Variants in SESTD1 observed in about 807,000 individuals in gnomAD.
SESTD1 encodes the protein SEC14 and spectrin domain containing 1, also known as SEC14 domain and spectrin repeat-containing protein 1.
SESTD1 carries 43 observed loss-of-function variants against 101.7 expected under a neutral mutation model. That is an observed-to-expected ratio of 0.42 (90% CI 0.33 to 0.55). The LOEUF is 0.55. SESTD1 is among the 20% of genes least tolerant of loss of function. The pLI, the probability that SESTD1 is intolerant of heterozygous loss-of-function variation, is 0.07. For missense variants in SESTD1, 647 were observed against 815.1 expected, an observed-to-expected ratio of 0.79 and a Z score of 2.51; for synonymous variants, 283 against 286.8, an observed-to-expected ratio of 0.99 and a Z score of 0.13.
At chr2:179,230,873 T>TA (rs758547139) in intron 1 of SESTD1, among the ~76,000 whole-genome samples, 28 of 152,228 alleles carry the variant, frequency 1.8e-4, no homozygotes, top group Non-Finnish European at 3.1e-4. Context: ...AAATCAATTC[T>TA]AAAATATATT....
At chr2:179,144,766 C>G (rs1020552610) in intron 8 of SESTD1, among the ~76,000 whole-genome samples, 2 of 151,948 alleles carry the variant, frequency 1.3e-5, no homozygotes, top group African/African-American at 4.8e-5. Context: ...GTTTTATACT[C>G]TCTTTCAATA....
At chr2:179,121,973 C>A (rs567262555) in intron 12 of SESTD1, 44 bp from the exon 13 acceptor site, 1 of 1,542,370 alleles carries the variant, frequency 6.5e-7, no homozygotes, top group Admixed American at 2.1e-5. Flanking sequence ...ACAACTAAGG[C>A]GCTTTCCCTC....
chr2:179,124,275 T>G (rs2044819616), intron 11 of SESTD1, 89 bp downstream of exon 11: 1 of 1,214,142 alleles, frequency 8.2e-7, no homozygotes, highest in Non-Finnish European at 1.2e-6. Context: ...GAAAAATAAT[T>G]TAGGAGGCAT....
chr2:179,174,223 G>A (rs1263137608), intron 4 of SESTD1, among the ~76,000 whole-genome samples: 3 of 152,124 alleles, frequency 2.0e-5, no homozygotes, highest in Admixed American at 6.5e-5. Flanking sequence ...CCAAACAGCT[G>A]GTCCCAGTAC....
intron 1 of SESTD1, among the ~76,000 whole-genome samples, chr2:179,247,379 C>T (rs928764538): frequency 3.3e-5 from 5 of 152,052 alleles, no homozygotes; most frequent in Non-Finnish European, 7.4e-5. Flanking sequence ...GAAAACTCAG[C>T]TTTAGAAGAT....
At position 179,115,095 on chromosome 2, in the gene SESTD1, C is replaced by A; in HGVS notation, c.1809G>T (p.Met603Ile). ...CAGCATTTGAGTGAAATGCAATAGCCATTTCCAATCTATGTACTCTCTCTT... is the reference window on the plus strand; with the variant it reads ...CAGCATTTGAGTGAAATGCAATAGCAATTTCCAATCTATGTACTCTCTCTT... ...ASEERVHRLE[M>I]AIAFHSNAEK... Residue 603 changes from methionine to isoleucine, a missense_variant, in exon 16 of 18, where the codon ATG (methionine) becomes ATT (isoleucine). Met to Ile is a conservative substitution (Grantham distance 10). Coordinates refer to ENST00000428443, the MANE Select transcript of SESTD1 (RefSeq NM_178123.5). 6.2e-7 allele frequency: 1 copy of A among 1,608,974 alleles called. No homozygotes were observed. Among genetic ancestry groups the A allele is most frequent in the Non-Finnish European group, 8.5e-7 (1 of 1,178,838 alleles).
intron 5 of SESTD1, among the ~76,000 whole-genome samples, chr2:179,156,742 T>C (rs955435018): frequency 6.6e-6 from 1 of 152,208 alleles, no homozygotes; most frequent in Admixed American, 6.5e-5. Context: ...GATGTATAGA[T>C]TGTGAAGATT....
At chr2:179,177,226 A>T (rs1292720829) in intron 3 of SESTD1, among the ~76,000 whole-genome samples, 3 of 152,216 alleles carry the variant, frequency 2.0e-5, no homozygotes, top group Non-Finnish European at 4.4e-5. Flanking sequence ...CTAACCTAGT[A>T]AAACGCAACA....
rs1044402600 is a variant in SESTD1 at position 179,109,758 on chromosome 2, C to T, written c.*141G>A. ...TGCCTTGGTAGTAGCAAGGTGTTAACATGTAAAGAGAAATGTGTCATGAAA... is the reference window on the plus strand; with the variant it reads ...TGCCTTGGTAGTAGCAAGGTGTTAATATGTAAAGAGAAATGTGTCATGAAA... On this transcript the variant is annotated 3_prime_UTR_variant, in exon 18 of 18. Transcript: ENST00000428443. The T allele has an allele frequency of 4.7e-6, 5 of 1,067,324 alleles. No individual in the cohort carries two copies. Among genetic ancestry groups the T allele is most frequent in the Non-Finnish European group, 6.7e-6 (5 of 743,946 alleles). 66.1% of individuals were successfully genotyped at this position (1,067,324 alleles called of 1,614,324 possible). A position where few individuals can be genotyped will look rare whatever the true frequency, so the allele number is the denominator to read the frequency against.
Position 179,103,672 on chromosome 2 carries a change from A to G in SESTD1, c.*6227T>C, listed in dbSNP as rs186900355. ...GCGTACATGTTGCGTGACTCTATTT[A>G]TATAAAGTTTTAGAACAGAAAAATC... On this transcript the variant is annotated 3_prime_UTR_variant, in exon 18 of 18. Transcript: ENST00000428443. The G allele has an allele frequency of 5.3e-5, 8 of 152,284 alleles. No homozygotes were observed. The highest frequency in any genetic ancestry group is 1.7e-4 in the African/African-American group (7 of 41,582). 9.4% of individuals were successfully genotyped at this position (152,284 alleles called of 1,614,324 possible).
chr2:179,137,056 G>C (rs891961101), intron 9 of SESTD1, among the ~76,000 whole-genome samples: 8 of 152,238 alleles, frequency 5.3e-5, no homozygotes, highest in African/African-American at 1.4e-4. Context: ...AATAATGGCA[G>C]TTTGCCAAAC....
At chr2:179,263,682 G>T (rs2047514631) in intron 1 of SESTD1, among the ~76,000 whole-genome samples, 1 of 152,144 alleles carries the variant, frequency 6.6e-6, no homozygotes, top group Admixed American at 6.5e-5. Context: ...AAACCACGGG[G>T]GCTGTCAGAG....
At chr2:179,142,046 CTAATT>C (rs2045290486) in intron 9 of SESTD1, among the ~76,000 whole-genome samples, 1 of 152,148 alleles carries the variant, frequency 6.6e-6, no homozygotes, top group Non-Finnish European at 1.5e-5. Flanking sequence ...TCTTGATGCT[CTAATT>C]TGAGAAGCCA....
intron 5 of SESTD1, among the ~76,000 whole-genome samples, chr2:179,170,442 T>C (rs2045912398): frequency 6.6e-6 from 1 of 152,182 alleles, no homozygotes; most frequent in African/African-American, 2.4e-5. Flanking sequence ...CCATCTGTGA[T>C]ACTGTGATAT....
At chr2:179,252,306 G>A (rs1325402084) in intron 1 of SESTD1, among the ~76,000 whole-genome samples, 2 of 152,208 alleles carry the variant, frequency 1.3e-5, no homozygotes, top group Non-Finnish European at 2.9e-5. Context: ...TTATAAAGTA[G>A]TAGTGGCTTA....
At chr2:179,156,194 A>G (rs2045628294) in intron 5 of SESTD1, among the ~76,000 whole-genome samples, 1 of 152,108 alleles carries the variant, frequency 6.6e-6, no homozygotes, top group South Asian at 2.1e-4. Flanking sequence ...ACATATATAT[A>G]TCACATATAT....
chr2:179,172,844 T>C (rs538904551), intron 4 of SESTD1, among the ~76,000 whole-genome samples: 4 of 152,364 alleles, frequency 2.6e-5, no homozygotes, highest in East Asian at 1.9e-4. Flanking sequence ...TCAAGTCCTA[T>C]AGAGTCTAAC....
At position 179,124,438 on chromosome 2, in the gene SESTD1, G is replaced by A; in HGVS notation, c.1093C>T (p.Arg365Ter). Residue 365 changes from arginine to a stop codon, truncating the protein, a stop_gained, in exon 11 of 18, where the codon CGA (arginine) becomes TGA (stop). Transcript: ENST00000428443. LOFTEE classifies it high-confidence loss of function. ...CTAAATTCCAGCTGACTGGCCTGTC[G>A]ATAACAAACATCACTAAGTTGTTGC... ...LQQQLSDVCY[R>*]QASQLEFRQN... The A allele has an allele frequency of 6.2e-7, 1 of 1,614,028 alleles. No individual in the cohort carries two copies. Among genetic ancestry groups the A allele is most frequent in the South Asian group, 1.1e-5 (1 of 91,066 alleles).
intron 1 of SESTD1, among the ~76,000 whole-genome samples, chr2:179,233,329 GAAC>G (rs943758875): frequency 1.8e-4 from 28 of 152,170 alleles, no homozygotes; most frequent in Non-Finnish European, 4.0e-4. Context: ...AATATACTGT[GAAC>G]AACAGAAACC....
Sources: allele counts gnomAD v4.1 joint callset (sites outside exome capture counted in the v4.1 genomes callset), GRCh38; gene constraint gnomAD v4.1.1; transcripts MANE v1.5; gene names NCBI Gene and HGNC (gene_info 2026-07-23, HGNC 2026-07-21).